HSPG2: variants seen among roughly 807,000 people sequenced by gnomAD.
HSPG2 encodes heparan sulfate proteoglycan 2.
A neutral mutation model predicts 526.6 loss-of-function variants in HSPG2; 278 were observed. The ratio of observed to expected loss-of-function variants is 0.53; its 90% CI spans 0.48 to 0.58. The LOEUF is 0.58. Among genes scored for constraint, HSPG2 ranks in the 20% least tolerant of loss-of-function variants. The pLI, the probability that HSPG2 is intolerant of heterozygous loss-of-function variation, is 0.00. For synonymous variants in HSPG2, 2,465 were observed against 2,555.4 expected, an observed-to-expected ratio of 0.96 and a Z score of 1.07; for missense variants, 5,354 against 6,099.5, an observed-to-expected ratio of 0.88 and a Z score of 4.07.
chr1:21,886,363 G>T (rs867996181), intron 9 of HSPG2, among the ~76,000 whole-genome samples: 9 of 46,908 alleles, frequency 1.9e-4, no homozygotes, highest in Non-Finnish European at 2.1e-4. Context: ...TCTGTGGCAT[G>T]GTGCAGCCTC....
At position 21,864,754 on chromosome 1, in the gene HSPG2, T is replaced by C. The variant is rs991151005; in HGVS notation, c.4626+89A>G. 2.5e-5 allele frequency: 26 copies of C among 1,058,712 alleles called. No individual in the cohort carries two copies. Among genetic ancestry groups the C allele is most frequent in the African/African-American group, 2.4e-4 (15 of 63,824 alleles). The allele number at this position is 1,058,712 out of a possible 1,614,324, so 65.6% of individuals were successfully genotyped here. A position where few individuals can be genotyped will look rare whatever the true frequency, so the allele number is the denominator to read the frequency against. ...GATGCAGGGGTCATTATAGTTATGA[T>C]GGTAATCAAGGCTGCGGCGACGCCG... On this transcript the variant is annotated intron_variant, in intron 36 of 96. Coordinates refer to ENST00000374695, the MANE Select transcript of HSPG2 (RefSeq NM_005529.7). The surrounding 1 kb of genome is among the most constrained non-coding windows in gnomAD (Gnocchi z 4.8).
chr1:21,867,762 A>G (rs1174406424), intron 33 of HSPG2, among the ~76,000 whole-genome samples: 1 of 151,288 alleles, frequency 6.6e-6, no homozygotes, highest in East Asian at 1.9e-4. Context: ...ATGGAGTTTC[A>G]CTCTTGTTGC....
intron 21 of HSPG2, chr1:21,877,385 G>A (rs1215415760): frequency 2.6e-5 from 4 of 152,890 alleles, no homozygotes; most frequent in Non-Finnish European, 5.8e-5. Flanking sequence ...GATGTGAAAT[G>A]ACTTGCACAA....
intron 1 of HSPG2, among the ~76,000 whole-genome samples, chr1:21,935,111 T>C (rs1201051414): frequency 6.6e-6 from 1 of 151,568 alleles, no homozygotes; most frequent in African/African-American, 2.4e-5. Context: ...TTCACTATGT[T>C]GGCCAGGCTG....
chr1:21,870,549 G>A (rs1383523363), intron 33 of HSPG2, among the ~76,000 whole-genome samples: 1 of 152,202 alleles, frequency 6.6e-6, no homozygotes, highest in Non-Finnish European at 1.5e-5. Context: ...GAACCCGGGG[G>A]GCTAGATACA....
In HSPG2 at chr1:21,880,191, A is replaced by G. The variant is rs766538366; in HGVS notation, c.2259T>C (p.Pro753=). 1 of 1,614,154 alleles carries G rather than the reference A, an allele frequency of 6.2e-7. No individual in the cohort carries two copies. Among genetic ancestry groups the G allele is most frequent in the South Asian group, 1.1e-5 (1 of 91,090 alleles). Residue 753 remains proline, a synonymous_variant, in exon 17 of 97, where the codon CCT becomes CCC. Coordinates refer to ENST00000374695, the MANE Select transcript of HSPG2 (RefSeq NM_005529.7). ...ESCDAHFTRV[P]GGPYLGTCSG... Reference sequence around the variant, plus strand: ...AGCAGGTGCCCAGGTAGGGCCCACCAGGCACCCGAGTGAAGTGGGCATCAC... The same window carrying G: ...AGCAGGTGCCCAGGTAGGGCCCACCGGGCACCCGAGTGAAGTGGGCATCAC...
chr1:21,826,682 T>G (rs892476222), intron 91 of HSPG2, among the ~76,000 whole-genome samples: 6 of 152,034 alleles, frequency 3.9e-5, no homozygotes, highest in Admixed American at 3.9e-4. Context: ...GCTAATTTTG[T>G]ATTTTTAGTA....
At position 21,839,361 on chromosome 1, in the gene HSPG2, G is replaced by A; in HGVS notation, c.9889+10C>T. ...CATTTGGTGCAGACAAAGAAGGGAT[G>A]AGGCCTTACTCTCCACGTGCAGGAT... is the stretch of plus-strand genomic sequence containing the variant. On this transcript the variant is annotated intron_variant, in intron 73 of 96. Coordinates refer to ENST00000374695, the MANE Select transcript of HSPG2 (RefSeq NM_005529.7). The surrounding 1 kb of genome is among the most constrained non-coding windows in gnomAD (Gnocchi z 4.5). 1 of 1,610,212 alleles carries A rather than the reference G, an allele frequency of 6.2e-7. No homozygotes were observed. The highest frequency in any genetic ancestry group is 8.5e-7 in the Non-Finnish European group (1 of 1,179,784).
At chr1:21,829,879 C>T (rs1345414003) in intron 86 of HSPG2, 114 bp downstream of exon 86, 2 of 987,550 alleles carry the variant, frequency 2.0e-6, no homozygotes, top group South Asian at 1.4e-5. Flanking sequence ...TCGAGATCCT[C>T]TGGCTTGGGA....
intron 95 of HSPG2, 200 bp from the exon 96 acceptor site, chr1:21,823,919 C>A: frequency 1.4e-6 from 1 of 728,476 alleles, no homozygotes; most frequent in South Asian, 1.6e-5. Context: ...GGTTTCCTCC[C>A]ACTCCTGGGG....
intron 28 of HSPG2, 84 bp from the exon 29 acceptor site, chr1:21,874,095 G>C: frequency 8.0e-7 from 1 of 1,248,474 alleles, no homozygotes; most frequent in African/African-American, 1.5e-5. Flanking sequence ...GGGGAGAGGG[G>C]AGGGGAAGAA....
chr1:21,875,955 C>T lies in HSPG2; in HGVS notation c.3091G>A (p.Val1031Met). 6.2e-7 allele frequency: 1 copy of T among 1,614,164 alleles called. No homozygotes were observed. The highest frequency in any genetic ancestry group is 8.5e-7 in the Non-Finnish European group (1 of 1,180,014). The change falls in exon 24 of 97, where the codon GTG becomes ATG. Residue 1031 changes from valine to methionine, a missense_variant. Coordinates refer to ENST00000374695, the MANE Select transcript of HSPG2 (RefSeq NM_005529.7). ...STPLHGQPLV[V>M]LQGNNIILEH... Reference sequence around the variant, plus strand: ...AGGATGATGTTGTTACCTTGCAGCACCACCAACGGCTGCCCGTGCAGGGGT... The same window carrying T: ...AGGATGATGTTGTTACCTTGCAGCATCACCAACGGCTGCCCGTGCAGGGGT...
rs928377116 is a variant in HSPG2 at position 21,888,592 on chromosome 1, C to T, written c.575-526G>A. 19 of 1,120,168 alleles carry T rather than the reference C, an allele frequency of 1.7e-5. No individual in the cohort carries two copies. In the African/African-American group the frequency reaches 3.0e-4, roughly 18 times the overall value. The allele number at this position is 1,120,168 out of a possible 1,614,324, so 69.4% of individuals were successfully genotyped here. ...AAGTGCTGGGGTTACAGGCGTGAGC[C>T]CCTGCACCCGGCCTCCTCTCCAACC... is the stretch of plus-strand genomic sequence containing the variant. On this transcript the variant is annotated intron_variant, in intron 6 of 96. Coordinates refer to ENST00000374695, the MANE Select transcript of HSPG2 (RefSeq NM_005529.7).
chr1:21,907,111 C>A (rs571652188), intron 1 of HSPG2, among the ~76,000 whole-genome samples: 1 of 152,296 alleles, frequency 6.6e-6, no homozygotes, highest in South Asian at 2.1e-4. Context: ...TCTGCTCTCT[C>A]AGGGGGTGAC....
chr1:21,840,454 C>T (rs943430007), intron 71 of HSPG2, among the ~76,000 whole-genome samples: 9 of 151,950 alleles, frequency 5.9e-5, no homozygotes, highest in African/African-American at 1.9e-4. Flanking sequence ...TATAGGCACC[C>T]GCCATCACGC....
chr1:21,883,362 G>C (rs1641647853), intron 13 of HSPG2, among the ~76,000 whole-genome samples: 1 of 152,212 alleles, frequency 6.6e-6, no homozygotes, highest in African/African-American at 2.4e-5. Context: ...CTGTTGTCCA[G>C]GCTGGAGTGC....
chr1:21,874,294 G>A, intron 28 of HSPG2, 112 bp downstream of exon 28: 1 of 1,419,994 alleles, frequency 7.0e-7, no homozygotes, highest in Non-Finnish European at 9.7e-7. Context: ...TGAGCAGGCA[G>A]TAAGGCCAGG....
Position 21,859,068 on chromosome 1 carries a change from G to A in HSPG2, c.5293+498C>T, listed in dbSNP as rs1226106147. On this transcript the variant is annotated intron_variant, in intron 42 of 96. Transcript: ENST00000374695. This position sits in a 1 kb window ranked among gnomAD's most constrained non-coding sequence, Gnocchi z 5.3. ...TGCATTATTATTATTATTTTTTTAAGACAGAGTCTTGCTCTGTTGCCCAGG... is the reference window on the plus strand; with the variant it reads ...TGCATTATTATTATTATTTTTTTAAAACAGAGTCTTGCTCTGTTGCCCAGG... Among the ~76,000 whole-genome samples the A allele has an allele frequency of 6.6e-6, 1 of 151,976 alleles. No individual in the cohort carries two copies. Among genetic ancestry groups the A allele is most frequent in the Non-Finnish European group, 1.5e-5 (1 of 68,008 alleles).
rs1388047768 is a variant in HSPG2, at chr1:21,829,422, C to T, written c.11953G>A (p.Val3985Met). 4 of 1,613,324 alleles carry T rather than the reference C, an allele frequency of 2.5e-6. No individual in the cohort carries two copies. Among genetic ancestry groups the T allele is most frequent in the Admixed American group, 1.7e-5 (1 of 60,006 alleles). ...TAGCGGAACTCCAGGTGGCCGCCCA[C>T]CATCGCCAGGGACACGAAGTCCTCC... ...PVEDFVSLAM[V>M]GGHLEFRYEL... The change falls in exon 87 of 97, where the codon GTG (valine) becomes ATG (methionine). Residue 3985 changes from valine to methionine, a missense_variant. Transcript: ENST00000374695.
Sources: allele counts gnomAD v4.1 joint callset (sites outside exome capture counted in the v4.1 genomes callset), GRCh38; gene constraint gnomAD v4.1.1; non-coding constraint Gnocchi (gnomAD v3.1); transcripts MANE v1.5; gene names NCBI Gene and HGNC (gene_info 2026-07-23, HGNC 2026-07-21).